The following MEAK7 variants were observed in gnomAD, a reference collection of about 807,000 sequenced individuals.
MEAK7 encodes the protein MTOR-associated protein MEAK7.
MEAK7 carries 68 observed loss-of-function variants against 40.5 expected under a neutral mutation model. The observed-to-expected ratio is 1.68, with a 90% CI of 1.38 to 2.06. The LOEUF is 2.06. Ranked by LOEUF, MEAK7 falls within the 30% of genes most tolerant of loss-of-function variation. MEAK7 has a pLI of 0.00. For missense variants in MEAK7, 918 were observed against 580.5 expected, an observed-to-expected ratio of 1.58 and a Z score of -5.98; for synonymous variants, 338 against 231.9, an observed-to-expected ratio of 1.46 and a Z score of -4.16.
At chr16:84,486,428 G>A in intron 5 of MEAK7, 1 of 1,363,758 alleles carries the variant, frequency 7.3e-7, no homozygotes, top group South Asian at 1.9e-5. Context: ...CTGAAAACTG[G>A]GGGTCACACG....
Position 84,492,569 on chromosome 16 carries a change from T to TTTTATTTATTTACTTA in MEAK7, c.384+3113_384+3114insTAAGTAAATAAATAAA, listed in dbSNP as rs1555513769. Among the ~76,000 whole-genome samples, 8 of 146,810 alleles carry TTTTATTTATTTACTTA rather than the reference T, an allele frequency of 5.4e-5. No individual in the cohort carries two copies. In the South Asian group the frequency reaches 1.1e-3, roughly 20 times the overall value. The stretch of plus-strand genomic sequence containing the variant: ...TTATTTTGTGATATCAAGTGTTTTA[T>TTTTATTTATTTACTTA]TTTATTTATTTATTTATTTATTTAT... On this transcript the variant is annotated intron_variant, in intron 3 of 7. Coordinates refer to ENST00000343629, the MANE Select transcript of MEAK7 (RefSeq NM_020947.4).
chr16:84,488,032 T>C (rs899858665), intron 4 of MEAK7: 3 of 152,324 alleles, frequency 2.0e-5, no homozygotes, highest in East Asian at 1.9e-4. Context: ...AAGCAGGAAA[T>C]GTAAAAGTAC....
chr16:84,491,339 A>C (rs1913579999), intron 3 of MEAK7, among the ~76,000 whole-genome samples: 1 of 152,064 alleles, frequency 6.6e-6, no homozygotes, highest in African/African-American at 2.4e-5. Flanking sequence ...GGAGGTCGCG[A>C]CCAGCCTGGC....
At chr16:84,480,504 G>C in intron 7 of MEAK7, 25 bp downstream of exon 7, 1 of 1,572,456 alleles carries the variant, frequency 6.4e-7, no homozygotes, top group Non-Finnish European at 8.6e-7. Context: ...GGCCATCCTG[G>C]GATGCAGAGG....
chr16:84,491,819 G>T (rs1913640886), intron 3 of MEAK7, among the ~76,000 whole-genome samples: 1 of 147,592 alleles, frequency 6.8e-6, no homozygotes, highest in Non-Finnish European at 1.5e-5. Flanking sequence ...CCTCGGTGAA[G>T]GCGCAAGACT....
At chr16:84,501,470 G>C (rs1263720289) in intron 1 of MEAK7, among the ~76,000 whole-genome samples, 2 of 152,156 alleles carry the variant, frequency 1.3e-5, no homozygotes, top group Non-Finnish European at 2.9e-5. Context: ...GCAGCAGGGT[G>C]CAGCCTGGCC....
intron 6 of MEAK7, among the ~76,000 whole-genome samples, chr16:84,481,861 G>C (rs1030645989): frequency 6.6e-6 from 1 of 152,180 alleles, no homozygotes; most frequent in Non-Finnish European, 1.5e-5. Context: ...GTGAACCTGG[G>C]AGGCGGAGCT....
intron 1 of MEAK7, 86 bp downstream of exon 1, chr16:84,504,515 T>G (rs1914741362): frequency 1.2e-6 from 1 of 860,698 alleles, no homozygotes; most frequent in Admixed American, 6.2e-5. Flanking sequence ...CCAGGCCTAC[T>G]CTGGACCCGT....
chr16:84,494,919 C>G, intron 3 of MEAK7: 1 of 422,522 alleles, frequency 2.4e-6, no homozygotes, highest in Non-Finnish European at 4.6e-6. Context: ...CTGAGTCTTG[C>G]AAGAAACTGC....
rs1286142280 is a variant in MEAK7, at chr16:84,504,594, T to C, written c.-26+7A>G. 3.0e-6 allele frequency: 3 copies of C among 985,562 alleles called. No homozygotes were observed. The African/African-American group carries it at 5.2e-5, about 17-fold the overall frequency. 61.1% of individuals were successfully genotyped at this position (985,562 alleles called of 1,614,324 possible). A position where few individuals can be genotyped will look rare whatever the true frequency, so the allele number is the denominator to read the frequency against. ...AGCTCACTGCGAACCTCAGCCCAGG[T>C]ACCTACCCTGCCGGGCTTCCTGGTG... On this transcript the variant is annotated splice_region_variant and intron_variant, in intron 1 of 7. Transcript: ENST00000343629.
chr16:84,484,046 G>A (rs555659413), intron 5 of MEAK7, among the ~76,000 whole-genome samples: 4 of 152,274 alleles, frequency 2.6e-5, no homozygotes, highest in South Asian at 2.1e-4. Flanking sequence ...CACTGCCCCC[G>A]CCCCGCTCTC....
At chr16:84,498,892 C>G (rs1194585904) in intron 1 of MEAK7, among the ~76,000 whole-genome samples, 2 of 152,210 alleles carry the variant, frequency 1.3e-5, no homozygotes. Context: ...CTGGCTCTGC[C>G]TCCTCCTAGC....
chr16:84,484,296 G>A lies in MEAK7; in HGVS notation c.959-1586C>T, dbSNP rs571322008. ...TGGAAAAAAGTGACACCAACAACGA[G>A]GACTCCTTATCTCATTCCCATAAAA... On this transcript the variant is annotated intron_variant, in intron 5 of 7. Coordinates refer to ENST00000343629, the MANE Select transcript of MEAK7 (RefSeq NM_020947.4). 9.5e-4 allele frequency among the ~76,000 whole-genome samples: 145 copies of A among 152,310 alleles called. 2 individuals carry two copies. The South Asian group carries it at 0.014, about 15-fold the overall frequency.
intron 2 of MEAK7, 164 bp downstream of exon 2, chr16:84,497,770 C>G: frequency 7.6e-7 from 1 of 1,311,766 alleles, no homozygotes. Context: ...CCGCATAGCT[C>G]ACAAAGCCAA....
intron 3 of MEAK7, 63 bp downstream of exon 3, chr16:84,495,620 T>C: frequency 1.3e-6 from 2 of 1,515,856 alleles, no homozygotes; most frequent in South Asian, 1.1e-5. Context: ...CTGGCCTCCA[T>C]CCCCCCACCG....
rs769938410 is a variant in MEAK7, at chr16:84,489,420, A to C, written c.387T>G (p.Phe129Leu). The change falls in exon 4 of 8, where the codon TTT becomes TTG. Residue 129 changes from phenylalanine (F) to leucine (L), a missense_variant and splice_region_variant. Phe to Leu is a conservative substitution (Grantham distance 22). Coordinates refer to ENST00000343629, the MANE Select transcript of MEAK7 (RefSeq NM_020947.4). ...CCACAGAGCCAACCAGATCCTCTGTAAACTGTAAGATCACAATTTTACCAT... is the reference window on the plus strand; with the variant it reads ...CCACAGAGCCAACCAGATCCTCTGTCAACTGTAAGATCACAATTTTACCAT... ...GPVKAREVQK[F>L]TEDLVGSVVH... 6.2e-6 allele frequency: 10 copies of C among 1,608,538 alleles called. No individual in the cohort carries two copies. The highest frequency in any genetic ancestry group is 7.6e-6 in the Non-Finnish European group (9 of 1,176,918).
At chr16:84,494,417 T>G (rs1382872975) in intron 3 of MEAK7, among the ~76,000 whole-genome samples, 1 of 152,184 alleles carries the variant, frequency 6.6e-6, no homozygotes, top group Non-Finnish European at 1.5e-5. Flanking sequence ...ATTTCAATCT[T>G]TCTCCTTCCT....
intron 4 of MEAK7, 108 bp downstream of exon 4, chr16:84,489,170 G>C: frequency 7.3e-7 from 1 of 1,370,046 alleles, no homozygotes; most frequent in Non-Finnish European, 9.6e-7. Context: ...AAGGTTCGAG[G>C]GCTCACGCAT....
Position 84,476,957 on chromosome 16 carries a change from T to G in MEAK7, c.*2956A>C, listed in dbSNP as rs1409421570. ...CCCAGGCTGGAGTGCAGTGGCACAA[T>G]CACAGCTTATAGCAGCCTCAACCTT... On this transcript the variant is annotated 3_prime_UTR_variant, in exon 8 of 8. Coordinates refer to ENST00000343629, the MANE Select transcript of MEAK7 (RefSeq NM_020947.4). The G allele has an allele frequency of 6.6e-6, 1 of 152,246 alleles. No homozygotes were observed. The highest frequency in any genetic ancestry group is 1.5e-5 in the Non-Finnish European group (1 of 68,104). 9.4% of individuals were successfully genotyped at this position (152,246 alleles called of 1,614,324 possible).
Sources: gnomAD v4.1 joint callset for allele counts (sites outside exome capture counted in the v4.1 genomes callset) on GRCh38, gnomAD v4.1.1 for gene constraint, MANE v1.5 for transcripts, NCBI Gene and HGNC (gene_info 2026-07-23, HGNC 2026-07-21) for gene names.